The following STK32B variants were observed in gnomAD, a reference collection of about 807,000 sequenced individuals.
The protein encoded by STK32B is serine/threonine kinase 32B, also known as serine/threonine-protein kinase 32B.
Under a neutral mutation model 52.6 loss-of-function variants are expected in STK32B, and 43 were observed. The ratio of observed to expected loss-of-function variants is 0.82; its 90% CI spans 0.64 to 1.05. STK32B has a LOEUF of 1.05. STK32B is among the 50% of genes least tolerant of loss of function. STK32B has a pLI of 0.00. For synonymous variants in STK32B, 238 were observed against 204.3 expected (o/e 1.17, Z -1.41); for missense variants, 621 against 534.6 (o/e 1.16, Z -1.59).
chr4:5,307,828 TGTG>T (rs143506940), intron 3 of STK32B, among the ~76,000 whole-genome samples: 17,628 of 151,810 alleles, frequency 0.12, 2,567 homozygotes, highest in African/African-American at 0.35. Flanking sequence ...GCTCTTTTGA[TGTG>T]GTGCTTTCCC....
chr4:5,263,931 GC>G, intron 3 of STK32B, among the ~76,000 whole-genome samples: 1 of 152,282 alleles, frequency 6.6e-6, no homozygotes, highest in East Asian at 1.9e-4. Context: ...AAAATATTGT[GC>G]CTGGCTTCTT....
intron 11 of STK32B, among the ~76,000 whole-genome samples, chr4:5,483,470 TTC>T (rs1396675094): frequency 6.6e-6 from 1 of 152,162 alleles, no homozygotes; most frequent in Non-Finnish European, 1.5e-5. Flanking sequence ...TATTTGATCC[TTC>T]TCTCTTTTCT....
intron 4 of STK32B, among the ~76,000 whole-genome samples, chr4:5,387,354 C>T (rs1345903092): frequency 6.6e-6 from 1 of 152,182 alleles, no homozygotes; most frequent in Non-Finnish European, 1.5e-5. Context: ...TGGAACTCAG[C>T]ACCTACTGGG....
chr4:5,359,447 A>T (rs1194935899), intron 4 of STK32B, among the ~76,000 whole-genome samples: 2 of 149,270 alleles, frequency 1.3e-5, no homozygotes, highest in Non-Finnish European at 3.0e-5. Flanking sequence ...TGTACCAAGC[A>T]CCTACATCAT....
In STK32B at chr4:5,467,900, A is replaced by T. The variant is rs1328436074; in HGVS notation, c.1042-106A>T. On this transcript the variant is annotated intron_variant, in intron 10 of 11. Coordinates refer to ENST00000282908, the MANE Select transcript of STK32B (RefSeq NM_018401.3). This position sits in a 1 kb window ranked among gnomAD's most constrained non-coding sequence, Gnocchi z 5.8. Reference sequence around the variant, plus strand: ...AGCTTGGCTTGTCCCGGTCCCAAGCATCTGAGGTTTCCATCTAGGTCAGTC... The same window carrying T: ...AGCTTGGCTTGTCCCGGTCCCAAGCTTCTGAGGTTTCCATCTAGGTCAGTC... 1.6e-6 allele frequency: 2 copies of T among 1,289,234 alleles called. No individual in the cohort carries two copies. The highest frequency in any genetic ancestry group is 1.7e-5 in the Admixed American group (1 of 58,782). 79.9% of individuals were successfully genotyped at this position (1,289,234 alleles called of 1,614,324 possible). A position where few individuals can be genotyped will look rare whatever the true frequency, so the allele number is the denominator to read the frequency against.
intron 3 of STK32B, among the ~76,000 whole-genome samples, chr4:5,247,502 C>G (rs1725542049): frequency 6.6e-6 from 1 of 152,168 alleles, no homozygotes; most frequent in African/African-American, 2.4e-5. Flanking sequence ...AAGGGAATTC[C>G]CTGACCCCTT....
chr4:5,290,454 G>T, intron 3 of STK32B, among the ~76,000 whole-genome samples: 1 of 151,822 alleles, frequency 6.6e-6, no homozygotes, highest in East Asian at 1.9e-4. Context: ...ACAAACATTA[G>T]CCTAGGCCTG....
chr4:5,190,964 A>G (rs572198437), intron 3 of STK32B, among the ~76,000 whole-genome samples: 15 of 152,268 alleles, frequency 9.9e-5, no homozygotes, highest in African/African-American at 2.6e-4. Context: ...ACTCTCTACA[A>G]CGTAACACTG....
At chr4:5,041,639 C>T in the STK32B span, among the ~76,000 whole-genome samples, 1 of 151,292 alleles carries the variant, frequency 6.6e-6, no homozygotes, top group Non-Finnish European at 1.5e-5. Flanking sequence ...GCACTCAACG[C>T]ACACACACGC....
rs140094659 is a variant in STK32B at position 5,350,275 on chromosome 4, A to G, written c.434+18882A>G. Among the ~76,000 whole-genome samples, 835 of 152,314 alleles carry G rather than the reference A, an allele frequency of 5.5e-3. 7 individuals carry two copies. The highest frequency in any genetic ancestry group is 7.8e-3 in the Non-Finnish European group (533 of 68,014). ...GTTAATAGCAGATTTTTCAGAAAAA[A>G]ATATTTAAAACTGCAAGTCAAGGAT... On this transcript the variant is annotated intron_variant, in intron 4 of 11. Coordinates refer to ENST00000282908, the MANE Select transcript of STK32B (RefSeq NM_018401.3).
intron 3 of STK32B, among the ~76,000 whole-genome samples, chr4:5,327,236 GAA>G (rs1449737652): frequency 3.3e-4 from 50 of 151,476 alleles, no homozygotes; most frequent in Non-Finnish European, 8.8e-5. Context: ...ATGAGGGTTA[GAA>G]TCCACTTCTT....
chr4:5,197,439 C>T (rs969573930), intron 3 of STK32B, among the ~76,000 whole-genome samples: 5 of 152,202 alleles, frequency 3.3e-5, no homozygotes, highest in Admixed American at 1.3e-4. Context: ...GCACCTCTTA[C>T]GACCACCCAG....
intron 3 of STK32B, among the ~76,000 whole-genome samples, chr4:5,234,383 T>G (rs1249280300): frequency 6.6e-6 from 1 of 152,212 alleles, no homozygotes; most frequent in Non-Finnish European, 1.5e-5. Context: ...GGAAGCTGTT[T>G]CTTAACCCCA....
intron 3 of STK32B, among the ~76,000 whole-genome samples, chr4:5,174,256 G>A (rs993347948): frequency 6.6e-6 from 1 of 152,086 alleles, no homozygotes; most frequent in African/African-American, 2.4e-5. Flanking sequence ...TCTTTATCCA[G>A]TTTGCCAGTT....
chr4:5,317,210 A>G (rs1348279159), intron 3 of STK32B, among the ~76,000 whole-genome samples: 1 of 62,330 alleles, frequency 1.6e-5, no homozygotes, highest in Non-Finnish European at 2.4e-5. Context: ...TATTATATAT[A>G]TAACATATAT....
At chr4:5,163,105 C>T (rs575744715) in intron 2 of STK32B, among the ~76,000 whole-genome samples, 1 of 152,186 alleles carries the variant, frequency 6.6e-6, no homozygotes, top group Non-Finnish European at 1.5e-5. Flanking sequence ...GAGGTCAGGG[C>T]CAGGGAAGCA....
intron 3 of STK32B, among the ~76,000 whole-genome samples, chr4:5,169,161 C>T (rs140148762): frequency 3.3e-5 from 5 of 152,166 alleles, no homozygotes; most frequent in Non-Finnish European, 5.9e-5. Context: ...GTGCCCCTCG[C>T]GACCTCAGTC....
intron 3 of STK32B, among the ~76,000 whole-genome samples, chr4:5,183,409 AGG>A (rs1720504027): frequency 6.6e-6 from 1 of 151,476 alleles, no homozygotes. Flanking sequence ...CTGAGGAAGC[AGG>A]GGTTGCAGTG....
At chr4:5,040,631 A>C in the STK32B span, among the ~76,000 whole-genome samples, 1 of 152,122 alleles carries the variant, frequency 6.6e-6, no homozygotes, top group East Asian at 1.9e-4. Context: ...TGACCTCGTA[A>C]TCTGCCCTCC....
Sources: allele counts gnomAD v4.1 joint callset (sites outside exome capture counted in the v4.1 genomes callset), GRCh38; gene constraint gnomAD v4.1.1; non-coding constraint Gnocchi (gnomAD v3.1); transcripts MANE v1.5; gene names NCBI Gene and HGNC (gene_info 2026-07-23, HGNC 2026-07-21).